ADGRL3: variants seen among roughly 807,000 people sequenced by gnomAD.
ADGRL3 encodes adhesion G protein-coupled receptor L3.
A neutral mutation model predicts 153.5 loss-of-function variants in ADGRL3; 62 were observed. That is an observed-to-expected ratio of 0.40 (90% CI 0.33 to 0.50). The LOEUF (loss-of-function observed/expected upper bound fraction) is 0.50. Ranked by LOEUF, ADGRL3 falls within the 20% of genes least tolerant of loss-of-function variation. The probability of loss-of-function intolerance (pLI) is 0.47; values close to 1 mark genes in which losing one functional copy is unlikely to be tolerated. For missense variants in ADGRL3, 1,641 were observed against 1,859.4 expected (o/e 0.88, Z 2.16); for synonymous variants, 710 against 672.5 (o/e 1.06, Z -0.86).
intron 13 of ADGRL3, among the ~76,000 whole-genome samples, chr4:61,917,601 T>C (rs2098750637): frequency 6.7e-6 from 1 of 150,202 alleles, no homozygotes; most frequent in Non-Finnish European, 1.5e-5. Flanking sequence ...CTCCACAACC[T>C]CACCAACACA....
At chr4:61,695,154 A>T (rs1382637696) in intron 6 of ADGRL3, among the ~76,000 whole-genome samples, 6 of 152,216 alleles carry the variant, frequency 3.9e-5, no homozygotes, top group African/African-American at 1.4e-4. Flanking sequence ...AAATGTTTAT[A>T]ACAGCATCTA....
intron 2 of ADGRL3, among the ~76,000 whole-genome samples, chr4:61,458,231 T>C (rs1362043264): frequency 6.6e-6 from 1 of 151,518 alleles, no homozygotes; most frequent in Non-Finnish European, 1.5e-5. Context: ...TAAATATAAA[T>C]ATTATTATTT....
intron 1 of ADGRL3, among the ~76,000 whole-genome samples, chr4:61,280,208 C>T (rs1416107060): frequency 6.7e-6 from 1 of 149,002 alleles, no homozygotes; most frequent in African/African-American, 2.5e-5. Flanking sequence ...CTTCCAGGTC[C>T]AAGCGATTCT....
intron 1 of ADGRL3, among the ~76,000 whole-genome samples, chr4:61,378,023 A>G (rs910415890): frequency 1.3e-5 from 2 of 151,994 alleles, no homozygotes; most frequent in Admixed American, 6.6e-5. Flanking sequence ...TTTTATTTCT[A>G]ATTTAATTCT....
At chr4:62,051,501 G>T (rs1734197584) in intron 25 of ADGRL3, among the ~76,000 whole-genome samples, 1 of 147,682 alleles carries the variant, frequency 6.8e-6, no homozygotes, top group Non-Finnish European at 1.5e-5. Context: ...GGCAGGATCT[G>T]AAAAAGAAAA....
chr4:61,721,548 C>T (rs1182269362), intron 6 of ADGRL3, among the ~76,000 whole-genome samples: 1 of 152,202 alleles, frequency 6.6e-6, no homozygotes, highest in African/African-American at 2.4e-5. Context: ...GAGGGTAGGT[C>T]TGCATCTCCC....
chr4:61,423,117 A>C (rs547506146), intron 2 of ADGRL3, among the ~76,000 whole-genome samples: 1 of 152,322 alleles, frequency 6.6e-6, no homozygotes, highest in East Asian at 1.9e-4. Context: ...GTAAAATTAT[A>C]TAGCTTATCT....
chr4:61,521,670 T>A (rs951745477), intron 4 of ADGRL3, among the ~76,000 whole-genome samples: 39 of 152,102 alleles, frequency 2.6e-4, no homozygotes, highest in African/African-American at 9.2e-4. Context: ...TCATTGCACA[T>A]GTGAGTAAGA....
At chr4:61,409,267 A>ACATACATAATATATATTATATATTAGG (rs1340814390) in intron 2 of ADGRL3, among the ~76,000 whole-genome samples, 4 of 143,580 alleles carry the variant, frequency 2.8e-5, no homozygotes, top group African/African-American at 1.0e-4. Context: ...TATATATTAG[A>ACATACATAATATATATTATATATTAGG]CATACATAAT....
chr4:61,322,013 G>A (rs1340412510), intron 1 of ADGRL3, among the ~76,000 whole-genome samples: 1 of 152,150 alleles, frequency 6.6e-6, no homozygotes, highest in African/African-American at 2.4e-5. Flanking sequence ...ACCTGAGACT[G>A]GGCAATTTAC....
At chr4:61,482,818 A>AT (rs1391832592) in intron 2 of ADGRL3, among the ~76,000 whole-genome samples, 2 of 152,148 alleles carry the variant, frequency 1.3e-5, no homozygotes, top group Admixed American at 6.5e-5. Context: ...TCATCCTGCT[A>AT]TTTTGCAAGT....
chr4:61,285,893 C>T (rs920152870), intron 1 of ADGRL3, among the ~76,000 whole-genome samples: 2 of 151,684 alleles, frequency 1.3e-5, no homozygotes, highest in Admixed American at 1.3e-4. Flanking sequence ...TTTTTCCCCT[C>T]CAACTCATGC....
intron 1 of ADGRL3, among the ~76,000 whole-genome samples, chr4:61,341,080 A>G (rs1201774774): frequency 6.6e-6 from 1 of 151,988 alleles, no homozygotes; most frequent in Non-Finnish European, 1.5e-5. Flanking sequence ...ATGTGTTAGC[A>G]AACTAACATA....
chr4:61,330,611 G>T (rs921772904), intron 1 of ADGRL3, among the ~76,000 whole-genome samples: 2 of 152,146 alleles, frequency 1.3e-5, no homozygotes, highest in African/African-American at 4.8e-5. Flanking sequence ...CATCAAGAAT[G>T]AAGCCGCAGA....
At chr4:61,954,811 C>G (rs1449694336) in intron 17 of ADGRL3, among the ~76,000 whole-genome samples, 2 of 152,100 alleles carry the variant, frequency 1.3e-5, no homozygotes, top group African/African-American at 4.8e-5. Context: ...ATGAGGCTTT[C>G]CTTGTTACCC....
At chr4:61,532,812 A>G (rs1465807485) in intron 4 of ADGRL3, among the ~76,000 whole-genome samples, 2 of 151,664 alleles carry the variant, frequency 1.3e-5, no homozygotes, top group Non-Finnish European at 2.9e-5. Context: ...ACTGTGTAGC[A>G]TCTCAGCGGA....
chr4:61,636,902 T>C (rs1219991942), intron 5 of ADGRL3, among the ~76,000 whole-genome samples: 1 of 151,978 alleles, frequency 6.6e-6, no homozygotes, highest in South Asian at 2.1e-4. Flanking sequence ...GTTTATGGCA[T>C]ATATAAAAGT....
chr4:61,929,785 G>T (rs568745864), intron 13 of ADGRL3, among the ~76,000 whole-genome samples: 39 of 152,254 alleles, frequency 2.6e-4, no homozygotes, highest in South Asian at 1.5e-3. Context: ...AGGATGGGGG[G>T]ATTCCCCTCC....
At chr4:61,432,082 T>C (rs1164040459) in intron 2 of ADGRL3, among the ~76,000 whole-genome samples, 2 of 152,188 alleles carry the variant, frequency 1.3e-5, no homozygotes, top group Admixed American at 1.3e-4. Context: ...ATTGATCTTT[T>C]CTCCTGAATT....
Sources: gnomAD v4.1 joint callset for allele counts (sites outside exome capture counted in the v4.1 genomes callset) on GRCh38, gnomAD v4.1.1 for gene constraint, MANE v1.5 for transcripts, NCBI Gene and HGNC (gene_info 2026-07-23, HGNC 2026-07-21) for gene names.